The following TENM4 variants were observed in gnomAD, a reference collection of about 807,000 sequenced individuals.
TENM4 encodes teneurin transmembrane protein 4, also known as teneurin-4.
A neutral mutation model predicts 243.3 loss-of-function variants in TENM4; 82 were observed. That is an observed-to-expected ratio of 0.34 (90% CI 0.28 to 0.40). TENM4 has a LOEUF of 0.40. Among genes scored for constraint, TENM4 ranks in the 10% least tolerant of loss-of-function variants. The probability of loss-of-function intolerance (pLI) is 1.00; values close to 1 mark genes in which losing one functional copy is unlikely to be tolerated. For missense variants in TENM4, 3,138 were observed against 3,673.3 expected (o/e 0.85, Z 3.77); for synonymous variants, 1,412 against 1,456.3 (o/e 0.97, Z 0.69).
At chr11:78,797,520 G>A (rs751994999) in intron 15 of TENM4, among the ~76,000 whole-genome samples, 65 of 152,292 alleles carry the variant, frequency 4.3e-4, no homozygotes, top group Non-Finnish European at 2.6e-4. Context: ...ACGTTCCAGG[G>A]CTGTCAGGGG....
chr11:79,233,703 G>A (rs1178273301), intron 2 of TENM4, among the ~76,000 whole-genome samples: 4 of 152,150 alleles, frequency 2.6e-5, no homozygotes, highest in African/African-American at 9.7e-5. Context: ...CAGGCCTGTG[G>A]GCCAGTAGAG....
At chr11:79,348,516 T>G (rs534518428) in intron 1 of TENM4, among the ~76,000 whole-genome samples, 1 of 152,302 alleles carries the variant, frequency 6.6e-6, no homozygotes, top group African/African-American at 2.4e-5. Flanking sequence ...CAAAATTCAT[T>G]GTTGAATTAA....
intron 9 of TENM4, among the ~76,000 whole-genome samples, chr11:78,864,956 A>G (rs972811961): frequency 6.6e-6 from 1 of 152,182 alleles, no homozygotes; most frequent in African/African-American, 2.4e-5. Flanking sequence ...GGGGGGCTAG[A>G]AGAACACAGG....
At chr11:78,704,191 A>ATG (rs1555067677) in intron 27 of TENM4, among the ~76,000 whole-genome samples, 14 of 139,472 alleles carry the variant, frequency 1.0e-4, no homozygotes, top group Non-Finnish European at 1.9e-4. Flanking sequence ...ATATATATAT[A>ATG]TATTTGTAGA....
intron 3 of TENM4, among the ~76,000 whole-genome samples, chr11:79,178,051 AG>A (rs1295459426): frequency 2.0e-5 from 3 of 152,134 alleles, no homozygotes; most frequent in African/African-American, 7.2e-5. Context: ...TGAAGGTGAA[AG>A]GAAGTAGTCC....
intron 25 of TENM4, among the ~76,000 whole-genome samples, chr11:78,716,046 A>G (rs1453412132): frequency 2.6e-5 from 4 of 152,228 alleles, no homozygotes; most frequent in Non-Finnish European, 5.9e-5. Flanking sequence ...CACAACTACC[A>G]TATAAGGTAG....
chr11:79,298,432 G>A (rs956739848), intron 1 of TENM4, among the ~76,000 whole-genome samples: 3 of 149,266 alleles, frequency 2.0e-5, no homozygotes, highest in Non-Finnish European at 3.0e-5. Flanking sequence ...GGAGAATGGC[G>A]TGAACCCGGG....
At chr11:78,849,006 C>T (rs191017686) in intron 12 of TENM4, among the ~76,000 whole-genome samples, 2 of 152,282 alleles carry the variant, frequency 1.3e-5, no homozygotes, top group South Asian at 2.1e-4. Flanking sequence ...TTCCCAGTCC[C>T]TACATTTTCT....
chr11:78,985,434 C>A (rs540049290), intron 6 of TENM4, among the ~76,000 whole-genome samples: 1 of 152,216 alleles, frequency 6.6e-6, no homozygotes, highest in African/African-American at 2.4e-5. Flanking sequence ...CCTAAGCAAC[C>A]CTGGGTAGTC....
chr11:79,141,455 C>CT (rs1862283854), intron 4 of TENM4, among the ~76,000 whole-genome samples: 1 of 152,050 alleles, frequency 6.6e-6, no homozygotes, highest in African/African-American at 2.4e-5. Context: ...AAATCCAAAA[C>CT]CTGAACAGAC....
At chr11:78,710,183 T>C (rs1859364356) in intron 26 of TENM4, among the ~76,000 whole-genome samples, 1 of 152,250 alleles carries the variant, frequency 6.6e-6, no homozygotes, top group South Asian at 2.1e-4. Context: ...AACTTGGGCA[T>C]ATTACTTCAC....
chr11:78,886,273 G>A (rs80034916), intron 9 of TENM4, among the ~76,000 whole-genome samples: 3,440 of 152,202 alleles, frequency 0.023, 132 homozygotes, highest in African/African-American at 0.079. Context: ...TGATTAGATC[G>A]GTTGGTCTGC....
intron 9 of TENM4, among the ~76,000 whole-genome samples, chr11:78,880,668 A>G (rs940147098): frequency 1.3e-5 from 2 of 152,222 alleles, no homozygotes; most frequent in African/African-American, 4.8e-5. Context: ...GAGGTCAAGG[A>G]TAACACACAG....
intron 6 of TENM4, among the ~76,000 whole-genome samples, chr11:78,995,388 T>G (rs755746810): frequency 2.6e-5 from 4 of 152,138 alleles, no homozygotes; most frequent in Non-Finnish European, 5.9e-5. Context: ...AAAACTCCTG[T>G]CCTTGACATC....
At chr11:79,354,248 G>T (rs1321477197) in intron 1 of TENM4, among the ~76,000 whole-genome samples, 2 of 152,184 alleles carry the variant, frequency 1.3e-5, no homozygotes, top group Admixed American at 6.5e-5. Context: ...TTGTTTCCAG[G>T]ACAGGACACG....
At position 79,440,237 on chromosome 11, in the gene TENM4, C is replaced by T. The variant is rs1405285516; in HGVS notation, c.-321+272G>A. Among the ~76,000 whole-genome samples the T allele has an allele frequency of 6.6e-6, 1 of 151,790 alleles. No individual in the cohort carries two copies. Among genetic ancestry groups the T allele is most frequent in the Non-Finnish European group, 1.5e-5 (1 of 67,874 alleles). On this transcript the variant is annotated intron_variant, in intron 1 of 33. Coordinates refer to ENST00000278550, the MANE Select transcript of TENM4 (RefSeq NM_001098816.3). The surrounding 1 kb of genome is among the most constrained non-coding windows in gnomAD (Gnocchi z 4.7). Reference sequence around the variant, plus strand: ...CACCCGCTTCCCACCTCCCTGCCCTCCCCCAACCCTTGCTCCCAGGCTCCA... The same window carrying T: ...CACCCGCTTCCCACCTCCCTGCCCTTCCCCAACCCTTGCTCCCAGGCTCCA...
intron 2 of TENM4, among the ~76,000 whole-genome samples, chr11:79,256,465 C>A (rs900099152): frequency 8.5e-5 from 13 of 152,192 alleles, no homozygotes; most frequent in Non-Finnish European, 1.8e-4. Context: ...CTGGCAGAAC[C>A]AGAATCCCAA....
intron 16 of TENM4, among the ~76,000 whole-genome samples, chr11:78,781,219 C>G (rs772654397): frequency 6.6e-6 from 1 of 152,096 alleles, no homozygotes. Context: ...TTTTAAAGTA[C>G]CAACTTTTAG....
chr11:79,104,804 T>C (rs1013210218), intron 4 of TENM4, among the ~76,000 whole-genome samples: 1 of 152,184 alleles, frequency 6.6e-6, no homozygotes, highest in Non-Finnish European at 1.5e-5. Context: ...TGAGCGATCC[T>C]ACTGTACACA....
Sources: gnomAD v4.1 joint callset for allele counts (sites outside exome capture counted in the v4.1 genomes callset) on GRCh38, gnomAD v4.1.1 for gene constraint, Gnocchi (gnomAD v3.1) non-coding constraint, MANE v1.5 for transcripts, NCBI Gene and HGNC (gene_info 2026-07-23, HGNC 2026-07-21) for gene names.